The following NFATC1 variants were observed in gnomAD, a reference collection of about 807,000 sequenced individuals.
NFATC1 encodes nuclear factor of activated T-cells, cytoplasmic 1.
In NFATC1, 22 loss-of-function variants were observed where a neutral mutation model predicts 76.0. That is an observed-to-expected ratio of 0.29 (90% CI 0.21 to 0.41). NFATC1 has a LOEUF of 0.41. NFATC1 is among the 10% of genes least tolerant of loss of function. The pLI is 1.00. For missense variants in NFATC1, 1,357 were observed against 1,337.7 expected, an observed-to-expected ratio of 1.01 and a Z score of -0.23; for synonymous variants, 704 against 613.1, an observed-to-expected ratio of 1.15 and a Z score of -2.19.
At chr18:79,446,888 G>A (rs1310992645) in intron 3 of NFATC1, among the ~76,000 whole-genome samples, 1 of 152,198 alleles carries the variant, frequency 6.6e-6, no homozygotes, top group East Asian at 1.9e-4. Flanking sequence ...TGATGCCTTC[G>A]TTCAGCCTCT....
chr18:79,508,552 G>T (rs2090170139), intron 9 of NFATC1, among the ~76,000 whole-genome samples: 1 of 152,104 alleles, frequency 6.6e-6, no homozygotes, highest in African/African-American at 2.4e-5. Context: ...GTGCTCGAAG[G>T]CTCATAAACG....
At chr18:79,462,504 A>G (rs1211594977) in intron 7 of NFATC1, among the ~76,000 whole-genome samples, 2 of 151,944 alleles carry the variant, frequency 1.3e-5, no homozygotes, top group African/African-American at 2.4e-5. Flanking sequence ...GGGTTTTGCC[A>G]TGTTGGCCAA....
At chr18:79,430,489 T>A (rs2086554777) in intron 2 of NFATC1, among the ~76,000 whole-genome samples, 2 of 152,150 alleles carry the variant, frequency 1.3e-5, no homozygotes, top group Non-Finnish European at 2.9e-5. Context: ...TTCAAGCAAT[T>A]CTCCTGCTTC....
chr18:79,432,566 G>A (rs2086637490), intron 2 of NFATC1, among the ~76,000 whole-genome samples: 2 of 152,248 alleles, frequency 1.3e-5, no homozygotes, highest in Admixed American at 1.3e-4. Context: ...AGACTGAGCG[G>A]GAGAGGAGGC....
At chr18:79,425,539 C>A (rs531374863) in intron 2 of NFATC1, among the ~76,000 whole-genome samples, 2 of 152,224 alleles carry the variant, frequency 1.3e-5, no homozygotes, top group Admixed American at 6.5e-5. Context: ...TGAGCACGTG[C>A]GGGCTTTAAC....
intron 9 of NFATC1, among the ~76,000 whole-genome samples, chr18:79,491,657 C>T (rs73970093): frequency 0.011 from 1,642 of 152,322 alleles, 28 homozygotes; most frequent in African/African-American, 0.035. Flanking sequence ...TCCCCGGCTT[C>T]CCTTCTGCGT....
At chr18:79,402,397 C>G in intron 1 of NFATC1, 1 of 985,158 alleles carries the variant, frequency 1.0e-6, no homozygotes, top group Non-Finnish European at 1.2e-6. Flanking sequence ...GGACACAGTC[C>G]TCCCCGGCAC....
At chr18:79,404,421 G>A (rs550498600) in intron 1 of NFATC1, among the ~76,000 whole-genome samples, 8 of 152,348 alleles carry the variant, frequency 5.3e-5, no homozygotes, top group South Asian at 2.1e-4. Flanking sequence ...GTGAGGCAGC[G>A]TTTCCCAGGC....
chr18:79,433,749 C>A lies in NFATC1; in HGVS notation c.1386+11C>A. The A allele has an allele frequency of 1.2e-6, 2 of 1,604,936 alleles. No homozygotes were observed. Among genetic ancestry groups the A allele is most frequent in the Non-Finnish European group, 1.7e-6 (2 of 1,176,038 alleles). On this transcript the variant is annotated intron_variant, in intron 3 of 9. Transcript: ENST00000427363. ...CACCCCATCGTGCAGGTAGGCACTGCGGCCAGACTCGCACGTCACTTGGTG... is the reference window on the plus strand; with the variant it reads ...CACCCCATCGTGCAGGTAGGCACTGAGGCCAGACTCGCACGTCACTTGGTG...
chr18:79,440,694 G>A (rs1206239464), intron 3 of NFATC1, among the ~76,000 whole-genome samples: 6 of 152,252 alleles, frequency 3.9e-5, no homozygotes. Context: ...CCAGTGCTGA[G>A]GGTGGCAGCC....
rs570950086 is a variant in NFATC1 at position 79,411,476 on chromosome 18, C to T, written c.1201C>T (p.Pro401Ser). 8 of 1,513,458 alleles carry T rather than the reference C, an allele frequency of 5.3e-6. No individual in the cohort carries two copies. In the Admixed American group the frequency reaches 1.6e-4, roughly 30 times the overall value. The allele number at this position is 1,513,458 out of a possible 1,614,324, so 93.8% of individuals were successfully genotyped here. A position where few individuals can be genotyped will look rare whatever the true frequency, so the allele number is the denominator to read the frequency against. The change falls in exon 2 of 10, where the codon CCC becomes TCC. Residue 401 changes from proline to serine, a missense_variant. By Grantham distance (74) the Pro-to-Ser change is moderately conservative. Coordinates refer to ENST00000427363, the MANE Select transcript of NFATC1 (RefSeq NM_001278669.2). ...CCCCTACCAGTGGGCGAAGCCCAAG[C>T]CCCTGTCCCCTACGTCCTACATGAG... is the stretch of plus-strand genomic sequence containing the variant. ...QHPYQWAKPKPLSPTSYMSPT... is the reference protein window; with the variant it reads ...QHPYQWAKPKSLSPTSYMSPT...
Position 79,436,057 on chromosome 18 carries a change from A to G in NFATC1, c.1386+2319A>G, listed in dbSNP as rs370277968. 2.1e-4 allele frequency among the ~76,000 whole-genome samples: 32 copies of G among 152,338 alleles called. No individual in the cohort carries two copies. The East Asian group carries it at 2.7e-3, about 13-fold the overall frequency. ...TTTCTCTTTCAGTTGGTGGACCACA[A>G]ATTGGATAAAAATAGAATTTGTGCA... On this transcript the variant is annotated intron_variant, in intron 3 of 9. Coordinates refer to ENST00000427363, the MANE Select transcript of NFATC1 (RefSeq NM_001278669.2).
At position 79,486,543 on chromosome 18, in the gene NFATC1, G is replaced by A; in HGVS notation, c.2388G>A (p.Glu796=). The A allele has an allele frequency of 1.9e-6, 3 of 1,596,144 alleles. No individual in the cohort carries two copies. The highest frequency in any genetic ancestry group is 2.5e-6 in the Non-Finnish European group (3 of 1,176,670). ...TCGGACTCCCGCAGCCGGCCGGAGA[G>A]GCCCCCGCCGTCCAGGACGTGCCCA... ...CHLGLPQPAG[E]APAVQDVPRP... is the part of the protein sequence containing the mutation. The change falls in exon 9 of 10, where the codon GAG becomes GAA. Residue 796 remains glutamate, a synonymous_variant. Coordinates refer to ENST00000427363, the MANE Select transcript of NFATC1 (RefSeq NM_001278669.2).
intron 9 of NFATC1, among the ~76,000 whole-genome samples, chr18:79,515,074 G>T (rs1293931956): frequency 3.3e-5 from 5 of 152,120 alleles, no homozygotes; most frequent in Admixed American, 2.0e-4. Flanking sequence ...GCCAGGCACA[G>T]TGGCTCACAC....
intron 3 of NFATC1, 69 bp downstream of exon 3, chr18:79,433,807 A>G: frequency 6.4e-7 from 1 of 1,556,122 alleles, no homozygotes; most frequent in East Asian, 2.3e-5. Flanking sequence ...TTGGAGCCAC[A>G]GCTAACTGTG....
At chr18:79,495,692 G>A (rs891258412) in intron 9 of NFATC1, among the ~76,000 whole-genome samples, 9 of 152,286 alleles carry the variant, frequency 5.9e-5, no homozygotes, top group South Asian at 2.1e-4. Flanking sequence ...GCGACTGCGC[G>A]TCTGGGCAGT....
In NFATC1 at chr18:79,405,523, T is replaced by C. The variant is rs736792; in HGVS notation, c.128-4880T>C. Among the ~76,000 whole-genome samples the C allele has an allele frequency of 3.6e-3, 542 of 152,344 alleles. 4 individuals are homozygous for C. Among genetic ancestry groups the C allele is most frequent in the African/African-American group, 0.012 (494 of 41,592 alleles). ...TAGGTGGGTCATGAAACCAAATTCA[T>C]TGGGAGCTGGGAGGGAGGGGCTCAC... is the stretch of plus-strand genomic sequence containing the variant. On this transcript the variant is annotated intron_variant, in intron 1 of 9. Transcript: ENST00000427363.
At chr18:79,447,950 C>G (rs1016455242) in intron 3 of NFATC1, among the ~76,000 whole-genome samples, 2 of 152,246 alleles carry the variant, frequency 1.3e-5, no homozygotes, top group Non-Finnish European at 2.9e-5. Context: ...AACAGCTGGT[C>G]CTGAACATGT....
intron 6 of NFATC1, among the ~76,000 whole-genome samples, chr18:79,453,415 G>A (rs1027498961): frequency 5.3e-5 from 8 of 152,260 alleles, no homozygotes; most frequent in Admixed American, 2.6e-4. Context: ...ATGGGTAAGG[G>A]CAGCCACCAG....
Sources: allele counts gnomAD v4.1 joint callset (sites outside exome capture counted in the v4.1 genomes callset), GRCh38; gene constraint gnomAD v4.1.1; transcripts MANE v1.5; gene names NCBI Gene and HGNC (gene_info 2026-07-23, HGNC 2026-07-21).